Variants in DCDC2 observed in about 807,000 individuals in gnomAD.
DCDC2 encodes the protein doublecortin domain-containing protein 2.
In DCDC2, 40 loss-of-function variants were observed where a neutral mutation model predicts 50.2. That is an observed-to-expected ratio of 0.80 (90% CI 0.62 to 1.04). The LOEUF (loss-of-function observed/expected upper bound fraction) is 1.04, where lower values mean the gene tolerates loss of function less well. DCDC2 is among the 50% of genes least tolerant of loss of function. DCDC2 has a pLI of 0.00. For missense variants in DCDC2, 570 were observed against 581.9 expected, an observed-to-expected ratio of 0.98 and a Z score of 0.21; for synonymous variants, 234 against 210.6, an observed-to-expected ratio of 1.11 and a Z score of -0.96.
chr6:24,306,964 C>G (rs707868), intron 2 of DCDC2, among the ~76,000 whole-genome samples: 117,195 of 152,122 alleles, frequency 0.77, 47,752 homozygotes, highest in East Asian at 0.99. Flanking sequence ...ATAACAAGAT[C>G]AAGGTTGATA....
chr6:24,348,439 T>G (rs1292322859), intron 2 of DCDC2, among the ~76,000 whole-genome samples: 1 of 152,202 alleles, frequency 6.6e-6, no homozygotes, highest in Non-Finnish European at 1.5e-5. Context: ...TGTGGCATTT[T>G]ACAGCCCTGT....
intron 7 of DCDC2, among the ~76,000 whole-genome samples, chr6:24,262,920 C>A (rs2113807477): frequency 6.6e-6 from 1 of 152,342 alleles, no homozygotes; most frequent in Non-Finnish European, 1.5e-5. Flanking sequence ...TTAGGCAAGA[C>A]CCAGTGTTGC....
In DCDC2 at chr6:24,174,102, G is replaced by T. The variant is rs1028226653; in HGVS notation, c.*628C>A. 6.6e-6 allele frequency: 1 copy of T among 152,136 alleles called. No individual in the cohort carries two copies. Among genetic ancestry groups the T allele is most frequent in the African/African-American group, 2.4e-5 (1 of 41,422 alleles). The allele number at this position is 152,136 out of a possible 1,614,324, so 9.4% of individuals were successfully genotyped here. A position where few individuals can be genotyped will look rare whatever the true frequency, so the allele number is the denominator to read the frequency against. On this transcript the variant is annotated 3_prime_UTR_variant, in exon 10 of 10. Coordinates refer to ENST00000378454, the MANE Select transcript of DCDC2 (RefSeq NM_016356.5). ...GCAAGCCTGAAAGCATTTAAGTGAC[G>T]GCATGGCGATACTAGTCACTAACAC...
chr6:24,218,845 T>C (rs2050820), intron 7 of DCDC2, among the ~76,000 whole-genome samples: 10,297 of 152,262 alleles, frequency 0.068, 620 homozygotes, highest in East Asian at 0.36. Flanking sequence ...ATAGAAAATA[T>C]TCCTCTCAAG....
intron 8 of DCDC2, among the ~76,000 whole-genome samples, chr6:24,192,462 G>A (rs1268954832): frequency 6.6e-6 from 1 of 151,902 alleles, no homozygotes; most frequent in Non-Finnish European, 1.5e-5. Context: ...CTCTGACATG[G>A]ATACAGAGAT....
At chr6:24,288,208 A>C (rs1020338038) in intron 6 of DCDC2, among the ~76,000 whole-genome samples, 6 of 152,232 alleles carry the variant, frequency 3.9e-5, no homozygotes, top group South Asian at 2.1e-4. Flanking sequence ...TTCAACCAAA[A>C]GGGAAGAAAG....
rs1177596693 is a variant in DCDC2 at position 24,209,261 on chromosome 6, CA to C, written c.923-4160del. ...TTTATCAAGGGCAACATTATTTGAG[CA>C]CTTCAAAACCTTACCATATTCCCTT... On this transcript the variant is annotated intron_variant, in intron 7 of 9. Transcript: ENST00000378454. Among the ~76,000 whole-genome samples the C allele has an allele frequency of 4.6e-5, 7 of 152,188 alleles. No homozygotes were observed. The South Asian group carries it at 1.2e-3, about 27-fold the overall frequency.
At chr6:24,191,317 G>A (rs1340809134) in intron 8 of DCDC2, among the ~76,000 whole-genome samples, 1 of 152,132 alleles carries the variant, frequency 6.6e-6, no homozygotes, top group African/African-American at 2.4e-5. Context: ...TCAATGATGA[G>A]ACCAAGTCAG....
At chr6:24,339,997 A>T (rs1760126597) in intron 2 of DCDC2, among the ~76,000 whole-genome samples, 1 of 152,220 alleles carries the variant, frequency 6.6e-6, no homozygotes, top group Non-Finnish European at 1.5e-5. Flanking sequence ...GGAGAGGAAT[A>T]GAGTTTCGGA....
intron 7 of DCDC2, among the ~76,000 whole-genome samples, chr6:24,206,340 T>C (rs1165839151): frequency 2.6e-5 from 4 of 151,718 alleles, no homozygotes; most frequent in Admixed American, 2.0e-4. Flanking sequence ...TTATGGAAGC[T>C]GAAAATATAC....
chr6:24,337,931 T>G (rs1760088151), intron 2 of DCDC2, among the ~76,000 whole-genome samples: 1 of 152,162 alleles, frequency 6.6e-6, no homozygotes, highest in South Asian at 2.1e-4. Context: ...ATTAAAAAAT[T>G]TTAAAACCCT....
At chr6:24,182,863 G>A (rs915578249) in intron 8 of DCDC2, among the ~76,000 whole-genome samples, 2 of 152,124 alleles carry the variant, frequency 1.3e-5, no homozygotes, top group African/African-American at 4.8e-5. Flanking sequence ...CAAGTTTATA[G>A]GAGAATTATT....
chr6:24,308,797 A>G (rs1759520974), intron 2 of DCDC2, among the ~76,000 whole-genome samples: 1 of 152,250 alleles, frequency 6.6e-6, no homozygotes, highest in Admixed American at 6.5e-5. Context: ...TGAAGAATTC[A>G]TTCCATGCGC....
At chr6:24,185,682 T>TAC (rs1226825538) in intron 8 of DCDC2, among the ~76,000 whole-genome samples, 9 of 74,250 alleles carry the variant, frequency 1.2e-4, no homozygotes, top group East Asian at 3.7e-4. Flanking sequence ...CACCCATCCA[T>TAC]ACACATACAC....
At chr6:24,353,947 G>C (rs1333933247) in intron 1 of DCDC2, among the ~76,000 whole-genome samples, 2 of 152,144 alleles carry the variant, frequency 1.3e-5, no homozygotes, top group African/African-American at 4.8e-5. Flanking sequence ...TTTTAAAAGA[G>C]TGGCTTATGT....
At chr6:24,189,263 A>G (rs1761266636) in intron 8 of DCDC2, among the ~76,000 whole-genome samples, 1 of 152,178 alleles carries the variant, frequency 6.6e-6, no homozygotes, top group African/African-American at 2.4e-5. Context: ...CTCAGGGGAA[A>G]TCGTTAAGTA....
Position 24,357,517 on chromosome 6 carries a change from G to A in DCDC2, c.234C>T (p.Asp78=). ...CGTAATTGCCCCCGCTCTGGATCTG[G>A]TCTAGCTTCCGGATTCGGTGGCCAG... ...PRTGHRIRKL[D]QIQSGGNYVA... The change falls in exon 1 of 10, where the codon GAC becomes GAT. Residue 78 remains aspartate (D), a synonymous_variant. Coordinates refer to ENST00000378454, the MANE Select transcript of DCDC2 (RefSeq NM_016356.5). 6.2e-7 allele frequency: 1 copy of A among 1,613,568 alleles called. No homozygotes were observed. Among genetic ancestry groups the A allele is most frequent in the South Asian group, 1.1e-5 (1 of 91,086 alleles).
chr6:24,220,868 GC>G (rs1561895418), intron 7 of DCDC2, among the ~76,000 whole-genome samples: 2 of 138,232 alleles, frequency 1.4e-5, no homozygotes, highest in African/African-American at 5.0e-5. Context: ...GAGACAGAGA[GC>G]AAGAGAGCGA....
the DCDC2 span, among the ~76,000 whole-genome samples, chr6:24,372,143 C>T: frequency 5.3e-5 from 8 of 152,086 alleles, no homozygotes; most frequent in African/African-American, 9.7e-5. Flanking sequence ...GATTATAGGC[C>T]GGGCGCGGTG....
Sources: gnomAD v4.1 joint callset for allele counts (sites outside exome capture counted in the v4.1 genomes callset) on GRCh38, gnomAD v4.1.1 for gene constraint, MANE v1.5 for transcripts, NCBI Gene and HGNC (gene_info 2026-07-23, HGNC 2026-07-21) for gene names.